The following NRG1 variants were observed in gnomAD, a reference collection of about 807,000 sequenced individuals.
NRG1 encodes the protein pro-neuregulin-1, membrane-bound isoform.
Under a neutral mutation model 63.8 loss-of-function variants are expected in NRG1, and 18 were observed. That is an observed-to-expected ratio of 0.28 (90% CI 0.19 to 0.42). NRG1 has a LOEUF of 0.42. Ranked by LOEUF, NRG1 falls within the 10% of genes least tolerant of loss-of-function variation. NRG1 has a pLI of 1.00. For synonymous variants in NRG1, 302 were observed against 301.3 expected, an observed-to-expected ratio of 1.00 and a Z score of -0.02; for missense variants, 762 against 814.7, an observed-to-expected ratio of 0.94 and a Z score of 0.79.
chr8:32,504,821 A>T (rs953567370), intron 1 of NRG1, among the ~76,000 whole-genome samples: 15 of 152,096 alleles, frequency 9.9e-5, no homozygotes, highest in African/African-American at 3.4e-4. Flanking sequence ...GACTTAAAAA[A>T]TTTTTTTCTT....
chr8:32,544,973 T>A (rs1832934916), upstream of NRG1, among the ~76,000 whole-genome samples: 1 of 152,160 alleles, frequency 6.6e-6, no homozygotes, highest in Admixed American at 6.5e-5. Context: ...AAAAAAGTAA[T>A]CTTTGTTTAC....
intron 1 of NRG1, among the ~76,000 whole-genome samples, chr8:32,410,172 T>G (rs1338764931): frequency 7.2e-6 from 1 of 138,182 alleles, no homozygotes; most frequent in Non-Finnish European, 1.6e-5. Flanking sequence ...GATCTTTTTC[T>G]TTCCTTTTTT....
intron 1 of NRG1, among the ~76,000 whole-genome samples, chr8:31,802,709 G>A (rs1433076478): frequency 6.6e-6 from 1 of 152,090 alleles, no homozygotes; most frequent in Non-Finnish European, 1.5e-5. Flanking sequence ...AGAGAAATCA[G>A]CAAGCTATAA....
At chr8:32,637,073 A>C (rs1013125280) in intron 5 of NRG1, among the ~76,000 whole-genome samples, 2 of 152,168 alleles carry the variant, frequency 1.3e-5, no homozygotes, top group African/African-American at 4.8e-5. Flanking sequence ...AACACCATGA[A>C]AAATTTTTTA....
intron 1 of NRG1, among the ~76,000 whole-genome samples, chr8:32,505,691 C>A (rs1470805407): frequency 1.3e-5 from 2 of 152,186 alleles, no homozygotes; most frequent in African/African-American, 4.8e-5. Flanking sequence ...TCCAGCGTTA[C>A]ACAAAAGTGA....
intron 1 of NRG1, among the ~76,000 whole-genome samples, chr8:32,154,709 A>G (rs185052309): frequency 1.3e-5 from 2 of 152,288 alleles, no homozygotes; most frequent in Admixed American, 6.5e-5. Context: ...TTCCTGTTTT[A>G]TGCTTTCCTC....
chr8:32,721,599 T>A (rs1820655268), intron 5 of NRG1, among the ~76,000 whole-genome samples: 4 of 152,202 alleles, frequency 2.6e-5, no homozygotes, highest in Non-Finnish European at 5.9e-5. Flanking sequence ...GTATTGGCTC[T>A]GGGAACCTCC....
chr8:32,274,469 T>G (rs1162957825), intron 1 of NRG1, among the ~76,000 whole-genome samples: 1 of 152,210 alleles, frequency 6.6e-6, no homozygotes, highest in Non-Finnish European at 1.5e-5. Context: ...ATGAGCAAAA[T>G]GTTTTTACAC....
intron 6 of NRG1, among the ~76,000 whole-genome samples, chr8:32,729,177 A>C (rs895989412): frequency 1.3e-5 from 2 of 152,236 alleles, no homozygotes; most frequent in African/African-American, 2.4e-5. Flanking sequence ...ACCTTGTAGT[A>C]AAAACTAATA....
chr8:31,979,782 A>G (rs965043661), intron 1 of NRG1, among the ~76,000 whole-genome samples: 9 of 152,098 alleles, frequency 5.9e-5, no homozygotes, highest in Admixed American at 2.6e-4. Flanking sequence ...CTGTATCCCA[A>G]GATTTTCTCA....
chr8:32,067,357 C>T (rs912728968), intron 1 of NRG1, among the ~76,000 whole-genome samples: 16 of 152,178 alleles, frequency 1.1e-4, no homozygotes, highest in African/African-American at 3.6e-4. Flanking sequence ...TTTTGAGGTA[C>T]GTCCCATCAA....
At chr8:31,857,193 C>A (rs567575336) in intron 1 of NRG1, among the ~76,000 whole-genome samples, 4 of 152,258 alleles carry the variant, frequency 2.6e-5, no homozygotes, top group Non-Finnish European at 5.9e-5. Flanking sequence ...TGGGCAATGG[C>A]GGGCGCCCCT....
intron 1 of NRG1, among the ~76,000 whole-genome samples, chr8:31,904,801 C>T (rs182836505): frequency 1.1e-4 from 17 of 152,052 alleles, no homozygotes; most frequent in Admixed American, 1.0e-3. Context: ...CTGAATGTTC[C>T]CACTTATAAG....
At chr8:32,000,560 C>A (rs2129644380) in intron 1 of NRG1, among the ~76,000 whole-genome samples, 1 of 152,038 alleles carries the variant, frequency 6.6e-6, no homozygotes, top group African/African-American at 2.4e-5. Context: ...AGCCACCATG[C>A]ACAGACTTAT....
intron 1 of NRG1, among the ~76,000 whole-genome samples, chr8:32,450,813 G>T (rs1386142232): frequency 6.6e-6 from 1 of 152,196 alleles, no homozygotes; most frequent in Non-Finnish European, 1.5e-5. Context: ...CCAGGAAAGA[G>T]ATGGTGGCAA....
intron 1 of NRG1, among the ~76,000 whole-genome samples, chr8:31,818,720 T>C (rs1283203987): frequency 6.6e-6 from 1 of 152,116 alleles, no homozygotes; most frequent in African/African-American, 2.4e-5. Context: ...CATTCACCGG[T>C]ACCAGTCAGT....
chr8:32,514,746 G>C (rs1829618466), intron 1 of NRG1, among the ~76,000 whole-genome samples: 1 of 151,980 alleles, frequency 6.6e-6, no homozygotes, highest in Non-Finnish European at 1.5e-5. Context: ...TGATACACTG[G>C]AAAGCTAACT....
At chr8:32,028,718 C>A (rs897303835) in intron 1 of NRG1, among the ~76,000 whole-genome samples, 10 of 152,072 alleles carry the variant, frequency 6.6e-5, no homozygotes, top group African/African-American at 1.9e-4. Flanking sequence ...CACTAACTTT[C>A]AAAAGTTAGA....
At chr8:32,443,611 A>G (rs1004313389) in intron 1 of NRG1, among the ~76,000 whole-genome samples, 1 of 152,190 alleles carries the variant, frequency 6.6e-6, no homozygotes, top group Non-Finnish European at 1.5e-5. Context: ...TCCATTTTGT[A>G]CCAGAAGTGT....
Sources: gnomAD v4.1 joint callset for allele counts (sites outside exome capture counted in the v4.1 genomes callset) on GRCh38, gnomAD v4.1.1 for gene constraint, MANE v1.5 for transcripts, NCBI Gene and HGNC (gene_info 2026-07-23, HGNC 2026-07-21) for gene names.